The following TBC1D7 variants were observed in gnomAD, a reference collection of about 807,000 sequenced individuals.
The protein encoded by TBC1D7 is TBC1 domain family member 7.
In TBC1D7, 33 loss-of-function variants were observed where a neutral mutation model predicts 35.3. The observed-to-expected ratio is 0.93, with a 90% CI of 0.71 to 1.25. TBC1D7 has a LOEUF of 1.25. Ranked by LOEUF, TBC1D7 falls within the 50% of genes most tolerant of loss-of-function variation. The pLI is 0.00. For synonymous variants in TBC1D7, 135 were observed against 129.5 expected (o/e 1.04, Z -0.29); for missense variants, 362 against 365.3 (o/e 0.99, Z 0.07).
At chr6:13,309,476 T>C (rs1388159989) in intron 5 of TBC1D7, among the ~76,000 whole-genome samples, 1 of 152,240 alleles carries the variant, frequency 6.6e-6, no homozygotes, top group African/African-American at 2.4e-5. Flanking sequence ...ATACTGTGAA[T>C]TAATATAAAG....
intron 4 of TBC1D7, among the ~76,000 whole-genome samples, 200 bp from the exon 5 acceptor site, chr6:13,316,908 T>G (rs937395748): frequency 4.6e-5 from 7 of 152,228 alleles, no homozygotes; most frequent in Non-Finnish European, 1.0e-4. Flanking sequence ...GGGTCAGTGC[T>G]GCTTATGAAT....
intron 5 of TBC1D7, 81 bp from the exon 6 acceptor site, chr6:13,307,826 A>C: frequency 7.1e-7 from 1 of 1,417,228 alleles, no homozygotes; most frequent in Non-Finnish European, 9.7e-7. Flanking sequence ...ATGAAAAAAA[A>C]GTACATGCTG....
In TBC1D7 at chr6:13,325,151, T is replaced by TA. The variant is rs1246203500; in HGVS notation, c.135dup (p.Ser46Ter). On this transcript the variant is annotated frameshift_variant, in exon 3 of 8. Coordinates refer to ENST00000379300, the MANE Select transcript of TBC1D7 (RefSeq NM_016495.6). LOFTEE classifies it high-confidence loss of function. ...ATGGACGGGAGAGGGAACCTCTGACTAAAAGTACAAAGTTTCTCAGTATCT... is the reference window on the plus strand; with the variant it reads ...ATGGACGGGAGAGGGAACCTCTGACTAAAAAGTACAAAGTTTCTCAGTATCT... 6.2e-7 allele frequency: 1 copy of TA among 1,613,684 alleles called. No individual in the cohort carries two copies. The highest frequency in any genetic ancestry group is 8.5e-7 in the Non-Finnish European group (1 of 1,179,680).
At chr6:13,323,968 G>C (rs972412255) in intron 3 of TBC1D7, among the ~76,000 whole-genome samples, 48 of 152,024 alleles carry the variant, frequency 3.2e-4, no homozygotes, top group African/African-American at 1.1e-3. Context: ...TGCCTCACAG[G>C]GATTCTAGGA....
At chr6:13,317,405 C>T (rs1029456801) in intron 4 of TBC1D7, among the ~76,000 whole-genome samples, 7 of 152,162 alleles carry the variant, frequency 4.6e-5, no homozygotes, top group Non-Finnish European at 7.3e-5. Flanking sequence ...AAAAGCTTTA[C>T]ATTTTCATCT....
At chr6:13,322,211 A>G (rs1243484466) in intron 3 of TBC1D7, among the ~76,000 whole-genome samples, 2 of 152,024 alleles carry the variant, frequency 1.3e-5, no homozygotes, top group Non-Finnish European at 1.5e-5. Flanking sequence ...CTGTGATCGT[A>G]CCACCGCACG....
chr6:13,311,827 T>A (rs1433425380), intron 5 of TBC1D7, among the ~76,000 whole-genome samples: 1 of 152,094 alleles, frequency 6.6e-6, no homozygotes, highest in Non-Finnish European at 1.5e-5. Context: ...ACTTTCCTTA[T>A]CAGCTATCAA....
At chr6:13,305,525 T>C (rs2439534) in intron 7 of TBC1D7, 106,167 of 352,948 alleles carry the variant, frequency 0.3, 17,032 homozygotes, top group South Asian at 0.45. Context: ...CCATGGAAAA[T>C]ACTTAGCACA....
chr6:13,320,855 A>C (rs1458570448), intron 4 of TBC1D7, 53 bp downstream of exon 4: 1 of 1,572,010 alleles, frequency 6.4e-7, no homozygotes, highest in Non-Finnish European at 8.7e-7. Flanking sequence ...AAAGGCCGGC[A>C]AGATGGGACG....
chr6:13,320,881 T>C, intron 4 of TBC1D7, 27 bp downstream of exon 4: 2 of 1,611,106 alleles, frequency 1.2e-6, no homozygotes, highest in Non-Finnish European at 1.7e-6. Context: ...GAGTTGAGCT[T>C]AGTGTCAGAC....
At position 13,307,452 on chromosome 6, in the gene TBC1D7, T is replaced by C; in HGVS notation, c.665+148A>G. 9.3e-6 allele frequency: 7 copies of C among 751,766 alleles called. No individual in the cohort carries two copies. In the South Asian group the frequency reaches 1.2e-4, roughly 13 times the overall value. 46.6% of individuals were successfully genotyped at this position (751,766 alleles called of 1,614,324 possible). On this transcript the variant is annotated intron_variant, in intron 6 of 7. Coordinates refer to ENST00000379300, the MANE Select transcript of TBC1D7 (RefSeq NM_016495.6). ...GTATATTCAAGAATAAGCAGAATCA[T>C]GTGCTGTTACGGTAGCTGCTGGAGG...
chr6:13,323,153 G>A (rs1273445433), intron 3 of TBC1D7, among the ~76,000 whole-genome samples: 4 of 152,134 alleles, frequency 2.6e-5, no homozygotes, highest in African/African-American at 9.7e-5. Context: ...AGGAGTTTGC[G>A]ACCAGCCTGG....
Position 13,320,931 on chromosome 6 carries a change from G to GT in TBC1D7, c.357dup (p.Pro120ThrfsTer12), listed in dbSNP as rs1420033048. 6.2e-7 allele frequency: 1 copy of GT among 1,614,164 alleles called. No homozygotes were observed. Among genetic ancestry groups the GT allele is most frequent in the South Asian group, 1.1e-5 (1 of 91,072 alleles). Reference sequence around the variant, plus strand: ...ACCAGTGGAAAAGAGGGACTTCGAGGTAACTTCCCAGACTCCAGCTGATAC... The same window carrying GT: ...ACCAGTGGAAAAGAGGGACTTCGAGGTTAACTTCCCAGACTCCAGCTGATAC... On this transcript the variant is annotated frameshift_variant, in exon 4 of 8. Coordinates refer to ENST00000379300, the MANE Select transcript of TBC1D7 (RefSeq NM_016495.6). LOFTEE classifies it high-confidence loss of function.
intron 5 of TBC1D7, among the ~76,000 whole-genome samples, chr6:13,309,011 C>T (rs1437464379): frequency 6.6e-6 from 1 of 152,216 alleles, no homozygotes; most frequent in Non-Finnish European, 1.5e-5. Context: ...GTTAGCCAGG[C>T]AAAGAGGGGC....
intron 1 of TBC1D7, 144 bp from the exon 2 acceptor site, chr6:13,327,050 A>G (rs999530475): frequency 4.3e-5 from 22 of 510,872 alleles, no homozygotes; most frequent in Admixed American, 7.8e-5. Context: ...AGGACCCAAT[A>G]TTAAATTTTT....
intron 4 of TBC1D7, chr6:13,320,481 A>G: frequency 2.2e-6 from 1 of 461,320 alleles, no homozygotes; most frequent in Non-Finnish European, 3.8e-6. Flanking sequence ...GTTTAAAAAA[A>G]TACGTTTTAA....
intron 4 of TBC1D7, 104 bp from the exon 5 acceptor site, chr6:13,316,812 A>G (rs1245704231): frequency 2.9e-6 from 4 of 1,362,784 alleles, no homozygotes; most frequent in South Asian, 2.6e-5. Flanking sequence ...TGAAAAGGCT[A>G]CATTAATAAA....
chr6:13,327,248 T>A (rs1250388713), intron 1 of TBC1D7, among the ~76,000 whole-genome samples: 1 of 152,052 alleles, frequency 6.6e-6, no homozygotes, highest in African/African-American at 2.4e-5. Flanking sequence ...AGAAAAAAAA[T>A]AAGTGAAATG....
chr6:13,328,302 T>A lies in TBC1D7; in HGVS notation c.-15A>T, dbSNP rs1225241961. ...TCTATGATGGATGCTTCACCTCTAGTAGTGCAAACACACCCGGGTTGAGAC... is the reference window on the plus strand; with the variant it reads ...TCTATGATGGATGCTTCACCTCTAGAAGTGCAAACACACCCGGGTTGAGAC... On this transcript the variant is annotated 5_prime_UTR_variant, in exon 1 of 8. Transcript: ENST00000379300. The A allele has an allele frequency of 6.6e-6, 1 of 152,338 alleles. No individual in the cohort carries two copies. Among genetic ancestry groups the A allele is most frequent in the African/African-American group, 2.4e-5 (1 of 41,462 alleles). The allele number at this position is 152,338 out of a possible 1,614,324, so 9.4% of individuals were successfully genotyped here.
Sources: allele counts gnomAD v4.1 joint callset (sites outside exome capture counted in the v4.1 genomes callset), GRCh38; gene constraint gnomAD v4.1.1; transcripts MANE v1.5; gene names NCBI Gene and HGNC (gene_info 2026-07-23, HGNC 2026-07-21).